Variants in SERINC2 observed in about 807,000 individuals in gnomAD.
SERINC2 encodes tumor differentially expressed protein 2.
In SERINC2, 56 loss-of-function variants were observed where a neutral mutation model predicts 54.2. The ratio of observed to expected loss-of-function variants is 1.03; its 90% CI spans 0.83 to 1.29. SERINC2 has a LOEUF of 1.29. SERINC2 is among the 50% of genes most tolerant of loss of function. The pLI is 0.00. For missense variants in SERINC2, 614 were observed against 607.4 expected (o/e 1.01, Z -0.12); for synonymous variants, 272 against 253.1 (o/e 1.07, Z -0.71).
At chr1:31,414,456 AG>A (rs1640734346) in intron 1 of SERINC2, 1 of 255,410 alleles carries the variant, frequency 3.9e-6, no homozygotes, top group African/African-American at 3.5e-5. Context: ...TGTGTGTGTG[AG>A]AGAGAGAGAG....
chr1:31,429,292 G>C (rs1185941475), intron 7 of SERINC2, 105 bp from the exon 8 acceptor site: 1 of 1,401,366 alleles, frequency 7.1e-7, no homozygotes, highest in African/African-American at 1.4e-5. Context: ...GGTTGGCTGT[G>C]TATCTGTCTG....
intron 8 of SERINC2, among the ~76,000 whole-genome samples, chr1:31,432,129 T>TAGGGTGGAC (rs1202707658): frequency 1.0e-4 from 1 of 9,884 alleles, no homozygotes; most frequent in Non-Finnish European, 2.6e-4. Flanking sequence ...TTAGGGTGGA[T>TAGGGTGGAC]AGGGTGGACA....
At chr1:31,424,906 C>T in intron 3 of SERINC2, 33 bp downstream of exon 3, 2 of 1,574,016 alleles carry the variant, frequency 1.3e-6, no homozygotes, top group Non-Finnish European at 1.7e-6. Flanking sequence ...CACCCTGGGA[C>T]CTTCCCCCAG....
upstream of SERINC2, among the ~76,000 whole-genome samples, chr1:31,411,613 G>C (rs1471897326): frequency 6.6e-6 from 1 of 152,084 alleles, no homozygotes; most frequent in East Asian, 1.9e-4. Flanking sequence ...TAGTGGGTTG[G>C]GGGTGAGGGT....
chr1:31,417,815 G>C (rs1451141092), intron 1 of SERINC2, among the ~76,000 whole-genome samples: 1 of 149,598 alleles, frequency 6.7e-6, no homozygotes, highest in Non-Finnish European at 1.5e-5. Context: ...ATGCCCTGAG[G>C]GTTCATCCAT....
In SERINC2 at chr1:31,431,941, AGGGTGGT is replaced by A. The variant is rs1641249332; in HGVS notation, c.1014-1025_1014-1019del. Among the ~76,000 whole-genome samples the A allele has an allele frequency of 1.0e-4, 13 of 124,954 alleles. 3 individuals are homozygous for A. The highest frequency in any genetic ancestry group is 1.8e-4 in the African/African-American group (6 of 33,744). 82.0% of individuals were successfully genotyped at this position (124,954 alleles called of 152,430 possible). A position where few individuals can be genotyped will look rare whatever the true frequency, so the allele number is the denominator to read the frequency against. On this transcript the variant is annotated intron_variant, in intron 8 of 9. Coordinates refer to ENST00000373709, the MANE Select transcript of SERINC2 (RefSeq NM_178865.5). ...GGTGGTTAGGGTGGATAGGGTGGTT[AGGGTGGT>A]TAGGGTGGTTAGGGTGGATAGGGTG...
rs1640958794 is a variant in SERINC2 at position 31,423,770 on chromosome 1, C to G, written c.117C>G (p.Arg39=). ...CPASRNSTVS[R]LIFTFFLFLG... is the part of the protein sequence containing the mutation. Reference sequence around the variant, plus strand: ...CCAGCCGCAACTCCACCGTGAGCCGCCTCATCTTCACGTTCTTCCTCTTCC... The same window carrying G: ...CCAGCCGCAACTCCACCGTGAGCCGGCTCATCTTCACGTTCTTCCTCTTCC... Residue 39 remains arginine (R), a synonymous_variant, in exon 2 of 10, where the codon CGC becomes CGG. Transcript: ENST00000373709. 6.2e-7 allele frequency: 1 copy of G among 1,613,830 alleles called. No individual in the cohort carries two copies. The highest frequency in any genetic ancestry group is 1.3e-5 in the African/African-American group (1 of 74,932).
intron 6 of SERINC2, among the ~76,000 whole-genome samples, chr1:31,428,678 A>T (rs888578681): frequency 5.3e-5 from 8 of 152,110 alleles, no homozygotes; most frequent in African/African-American, 1.9e-4. Flanking sequence ...GACGGAGAGC[A>T]GGGAGGAGGG....
intron 2 of SERINC2, 105 bp downstream of exon 2, chr1:31,423,959 G>C: frequency 1.9e-6 from 2 of 1,049,574 alleles, no homozygotes; most frequent in South Asian, 1.5e-5. Flanking sequence ...AGAGGAGGCA[G>C]GGTGTTTGGG....
chr1:31,433,310 C>A (rs1641377579), intron 9 of SERINC2, 125 bp downstream of exon 9: 1 of 764,592 alleles, frequency 1.3e-6, no homozygotes, highest in Non-Finnish European at 2.2e-6. Context: ...CGGTGTGTAT[C>A]AAGGACCCTC....
intron 8 of SERINC2, among the ~76,000 whole-genome samples, chr1:31,431,796 T>C (rs370106518): frequency 0.1 from 1,118 of 10,732 alleles, 8 homozygotes; most frequent in Non-Finnish European, 0.15. Context: ...ATAGGGTGGA[T>C]AGGGTGGACA....
chr1:31,428,881 G>A lies in SERINC2; in HGVS notation c.781-97G>A. 5 of 947,450 alleles carry A rather than the reference G, an allele frequency of 5.3e-6. No homozygotes were observed. In the South Asian group the frequency reaches 7.0e-5, roughly 13 times the overall value. The allele number at this position is 947,450 out of a possible 1,614,324, so 58.7% of individuals were successfully genotyped here. On this transcript the variant is annotated intron_variant, in intron 6 of 9. Transcript: ENST00000373709. ...GGGTGTGGTGGGGTATCCTAGGTGG[G>A]TGGGAGTTTCTGAGGTCCCTTGGCT...
chr1:31,432,101 A>T lies in SERINC2; in HGVS notation c.1014-866A>T, dbSNP rs1241835826. Among the ~76,000 whole-genome samples, 175 of 112,736 alleles carry T rather than the reference A, an allele frequency of 1.6e-3. 3 individuals are homozygous for T. Among genetic ancestry groups the T allele is most frequent in the Non-Finnish European group, 1.8e-3 (98 of 55,594 alleles). The allele number at this position is 112,736 out of a possible 152,430, so 74.0% of individuals were successfully genotyped here. A position where few individuals can be genotyped will look rare whatever the true frequency, so the allele number is the denominator to read the frequency against. ...AGGGTGGTTAGGGTGGACAGGGTGG[A>T]CAGGGTGGATAGGGTGGTTAGGGTG... On this transcript the variant is annotated intron_variant, in intron 8 of 9. Coordinates refer to ENST00000373709, the MANE Select transcript of SERINC2 (RefSeq NM_178865.5).
rs1553133233 is a variant in SERINC2 at position 31,424,678 on chromosome 1, C to T, written c.202-5C>T. 6.3e-7 allele frequency: 1 copy of T among 1,588,734 alleles called. No homozygotes were observed. Reference sequence around the variant, plus strand: ...GCTTTGACGCTGCTCTGTCTGTCTCCACAGCTGCCCTGGGTGTGTGAGGAG... The same window carrying T: ...GCTTTGACGCTGCTCTGTCTGTCTCTACAGCTGCCCTGGGTGTGTGAGGAG... On this transcript the variant is annotated splice_region_variant and splice_polypyrimidine_tract_variant and intron_variant, in intron 2 of 9. Coordinates refer to ENST00000373709, the MANE Select transcript of SERINC2 (RefSeq NM_178865.5).
intron 1 of SERINC2, among the ~76,000 whole-genome samples, chr1:31,422,034 C>T (rs2148516175): frequency 6.6e-6 from 1 of 152,248 alleles, no homozygotes; most frequent in Admixed American, 6.5e-5. Flanking sequence ...TGCAGTGGCT[C>T]ACGCCTGTAA....
intron 1 of SERINC2, among the ~76,000 whole-genome samples, chr1:31,416,438 C>T (rs950116223): frequency 6.6e-5 from 10 of 152,184 alleles, no homozygotes; most frequent in Non-Finnish European, 8.8e-5. Flanking sequence ...GGTCAGATTA[C>T]AAGCTGTGGC....
rs368427229 is a variant in SERINC2 at position 31,432,927 on chromosome 1, C to G, written c.1014-40C>G. On this transcript the variant is annotated intron_variant, in intron 8 of 9. Transcript: ENST00000373709. ...TTGTGTCCAGTGTTATGAGCAACGC[C>G]AGAGCTATCTATTTGCCCACCTTCC... 6.6e-5 allele frequency: 100 copies of G among 1,506,376 alleles called. No homozygotes were observed. The African/African-American group carries it at 1.3e-3, about 19-fold the overall frequency. The allele number at this position is 1,506,376 out of a possible 1,614,324, so 93.3% of individuals were successfully genotyped here.
At chr1:31,419,975 C>G (rs919805591) in intron 1 of SERINC2, among the ~76,000 whole-genome samples, 9 of 151,974 alleles carry the variant, frequency 5.9e-5, no homozygotes, top group African/African-American at 2.2e-4. Context: ...TACCACTGCA[C>G]TCTAGCTTGG....
intron 1 of SERINC2, among the ~76,000 whole-genome samples, chr1:31,423,141 G>A (rs571828353): frequency 6.6e-6 from 1 of 152,344 alleles, no homozygotes; most frequent in African/African-American, 2.4e-5. Context: ...TTCCTGCCCC[G>A]CTGGAAAGCG....
Sources: gnomAD v4.1 joint callset for allele counts (sites outside exome capture counted in the v4.1 genomes callset) on GRCh38, gnomAD v4.1.1 for gene constraint, MANE v1.5 for transcripts, NCBI Gene and HGNC (gene_info 2026-07-23, HGNC 2026-07-21) for gene names.